The following LRRIQ3 variants were observed in gnomAD, a reference collection of about 807,000 sequenced individuals.
The protein encoded by LRRIQ3 is leucine rich repeats and IQ motif containing 3.
LRRIQ3 carries 75 observed loss-of-function variants against 59.3 expected under a neutral mutation model. That is an observed-to-expected ratio of 1.26 (90% CI 1.05 to 1.53). The LOEUF is 1.53. Ranked by LOEUF, LRRIQ3 falls within the 40% of genes most tolerant of loss-of-function variation. The pLI is 0.00. For missense variants in LRRIQ3, 831 were observed against 710.0 expected, an observed-to-expected ratio of 1.17 and a Z score of -1.94; for synonymous variants, 250 against 231.3, an observed-to-expected ratio of 1.08 and a Z score of -0.73.
intron 5 of LRRIQ3, among the ~76,000 whole-genome samples, chr1:74,086,026 A>T (rs1474767775): frequency 6.6e-6 from 1 of 152,056 alleles, no homozygotes; most frequent in Non-Finnish European, 1.5e-5. Context: ...ATCAACAAAC[A>T]GAGACCCCAC....
chr1:74,118,282 C>T (rs1040510965), intron 4 of LRRIQ3, among the ~76,000 whole-genome samples: 5 of 152,166 alleles, frequency 3.3e-5, no homozygotes, highest in East Asian at 1.9e-4. Flanking sequence ...CTTGTTCAAA[C>T]GGACATAAAC....
chr1:74,086,641 C>G (rs1646330446), intron 5 of LRRIQ3, among the ~76,000 whole-genome samples: 1 of 152,000 alleles, frequency 6.6e-6, no homozygotes, highest in African/African-American at 2.4e-5. Flanking sequence ...GAGTAATAGG[C>G]TAAAAGCTCT....
intron 3 of LRRIQ3, among the ~76,000 whole-genome samples, chr1:74,159,102 T>C (rs1648513823): frequency 6.6e-6 from 1 of 152,178 alleles, no homozygotes; most frequent in Non-Finnish European, 1.5e-5. Flanking sequence ...TGTTTATTCC[T>C]CCTTATAAAT....
chr1:74,175,107 G>T lies in LRRIQ3; in HGVS notation c.573+7431C>A, dbSNP rs532236954. 2.0e-5 allele frequency among the ~76,000 whole-genome samples: 3 copies of T among 152,236 alleles called. No individual in the cohort carries two copies. The South Asian group carries it at 6.2e-4, about 32-fold the overall frequency. ...CCCTGGGATTCTGGGGCTCTGACTGGTGTCTATGGCTGGTGAAGCCTGCTG... is the reference window on the plus strand; with the variant it reads ...CCCTGGGATTCTGGGGCTCTGACTGTTGTCTATGGCTGGTGAAGCCTGCTG... On this transcript the variant is annotated intron_variant, in intron 3 of 7. Coordinates refer to ENST00000354431, the MANE Select transcript of LRRIQ3 (RefSeq NM_001105659.2).
chr1:74,165,199 T>G (rs372546240), intron 3 of LRRIQ3, among the ~76,000 whole-genome samples: 1 of 151,630 alleles, frequency 6.6e-6, no homozygotes, highest in Non-Finnish European at 1.5e-5. Flanking sequence ...TACAATCTTA[T>G]GGAATTTTGA....
chr1:74,040,118 G>GA (rs201676681), intron 7 of LRRIQ3, among the ~76,000 whole-genome samples: 2,907 of 151,766 alleles, frequency 0.019, 79 homozygotes, highest in African/African-American at 0.066. Context: ...AAGGAAAAAA[G>GA]AAAAACAAGC....
At chr1:74,074,455 A>C (rs1646178344) in intron 6 of LRRIQ3, among the ~76,000 whole-genome samples, 1 of 152,078 alleles carries the variant, frequency 6.6e-6, no homozygotes, top group Non-Finnish European at 1.5e-5. Context: ...ATCATTTTTT[A>C]GCTTTTTATA....
intron 4 of LRRIQ3, among the ~76,000 whole-genome samples, chr1:74,141,151 A>C (rs1037823281): frequency 6.6e-6 from 1 of 151,884 alleles, no homozygotes; most frequent in Admixed American, 6.6e-5. Context: ...AACACCTAAA[A>C]CACCTAAAGC....
intron 6 of LRRIQ3, among the ~76,000 whole-genome samples, chr1:74,070,965 T>G (rs544012283): frequency 2.7e-3 from 135 of 50,738 alleles, no homozygotes; most frequent in Non-Finnish European, 5.5e-3. Context: ...GGCTAAAGAT[T>G]ATTTATATAT....
At chr1:74,184,717 T>C (rs971344356) in intron 1 of LRRIQ3, among the ~76,000 whole-genome samples, 4 of 152,248 alleles carry the variant, frequency 2.6e-5, no homozygotes, top group South Asian at 4.1e-4. Flanking sequence ...GCTAAGGGCA[T>C]AGGAATAATG....
intron 3 of LRRIQ3, among the ~76,000 whole-genome samples, chr1:74,172,023 TGA>T (rs1649353930): frequency 6.6e-6 from 1 of 152,144 alleles, no homozygotes; most frequent in Admixed American, 6.5e-5. Flanking sequence ...TTATTATTGC[TGA>T]GTTTGTCTAT....
At chr1:74,124,331 T>G (rs1319640450) in intron 4 of LRRIQ3, among the ~76,000 whole-genome samples, 1 of 151,880 alleles carries the variant, frequency 6.6e-6, no homozygotes, top group East Asian at 1.9e-4. Flanking sequence ...TTCATTTTAT[T>G]GTTTCCTTTG....
At chr1:74,056,050 C>CAGG (rs996891022) in intron 6 of LRRIQ3, among the ~76,000 whole-genome samples, 8 of 151,370 alleles carry the variant, frequency 5.3e-5, no homozygotes, top group Non-Finnish European at 1.0e-4. Flanking sequence ...GAGGCTGAGG[C>CAGG]AGGAGAATTG....
chr1:74,115,116 G>T (rs894591884), intron 4 of LRRIQ3, among the ~76,000 whole-genome samples: 4 of 151,870 alleles, frequency 2.6e-5, no homozygotes, highest in African/African-American at 9.7e-5. Flanking sequence ...ACAACCTACA[G>T]ATATTAAAAC....
chr1:74,163,180 G>A (rs1394675005), intron 3 of LRRIQ3, among the ~76,000 whole-genome samples: 2 of 151,336 alleles, frequency 1.3e-5, no homozygotes, highest in African/African-American at 2.4e-5. Flanking sequence ...TATTTGAAAA[G>A]TGTAAAACAT....
intron 7 of LRRIQ3, among the ~76,000 whole-genome samples, chr1:74,031,222 G>C (rs1029274008): frequency 7.9e-5 from 12 of 152,114 alleles, no homozygotes; most frequent in Non-Finnish European, 1.6e-4. Context: ...CAGGGATCTA[G>C]AACTAGAAAT....
At chr1:74,195,790 C>G (rs1402591194) in intron 1 of LRRIQ3, among the ~76,000 whole-genome samples, 1 of 152,084 alleles carries the variant, frequency 6.6e-6, no homozygotes, top group African/African-American at 2.4e-5. Flanking sequence ...ATATTTTACT[C>G]TGGTAAAATG....
chr1:74,071,385 A>T (rs894495648), intron 6 of LRRIQ3, among the ~76,000 whole-genome samples: 5 of 152,116 alleles, frequency 3.3e-5, no homozygotes, highest in Admixed American at 3.3e-4. Flanking sequence ...TCCCTGGAAA[A>T]TGTCAATAAA....
intron 6 of LRRIQ3, among the ~76,000 whole-genome samples, chr1:74,062,316 C>G (rs973005268): frequency 2.0e-5 from 3 of 151,780 alleles, no homozygotes; most frequent in African/African-American, 4.8e-5. Flanking sequence ...CTCAATATCA[C>G]TAATCATTAG....
Sources: allele counts gnomAD v4.1 joint callset (sites outside exome capture counted in the v4.1 genomes callset), GRCh38; gene constraint gnomAD v4.1.1; transcripts MANE v1.5; gene names NCBI Gene and HGNC (gene_info 2026-07-23, HGNC 2026-07-21).